PTPRT: variants seen among roughly 807,000 people sequenced by gnomAD.
The protein encoded by PTPRT is protein tyrosine phosphatase receptor type T.
PTPRT carries 56 observed loss-of-function variants against 176.8 expected under a neutral mutation model. The observed-to-expected ratio is 0.32, with a 90% CI of 0.26 to 0.40. The LOEUF is 0.40. Among genes scored for constraint, PTPRT ranks in the 10% least tolerant of loss-of-function variants. PTPRT has a pLI of 1.00. For missense variants in PTPRT, 1,540 were observed against 1,908.2 expected, an observed-to-expected ratio of 0.81 and a Z score of 3.60; for synonymous variants, 783 against 739.0, an observed-to-expected ratio of 1.06 and a Z score of -0.96.
intron 7 of PTPRT, among the ~76,000 whole-genome samples, chr20:42,567,256 AAG>A (rs2145672187): frequency 6.6e-6 from 1 of 152,140 alleles, no homozygotes; most frequent in Admixed American, 6.6e-5. Flanking sequence ...CCTGGGCAAC[AAG>A]AGTGAAACTC....
the PTPRT span, among the ~76,000 whole-genome samples, chr20:42,063,261 C>G: frequency 2.6e-5 from 4 of 152,190 alleles, no homozygotes; most frequent in African/African-American, 7.2e-5. Flanking sequence ...CGTTTCCCCT[C>G]CGAAGGCACC....
intron 16 of PTPRT, among the ~76,000 whole-genome samples, chr20:42,180,310 G>A (rs549766539): frequency 4.6e-5 from 7 of 151,720 alleles, no homozygotes; most frequent in Non-Finnish European, 1.0e-4. Flanking sequence ...TGCCTTGGGA[G>A]CCTCTAATAG....
At position 42,167,673 on chromosome 20, in the gene PTPRT, G is replaced by T. The variant is rs562113136; in HGVS notation, c.2492-6131C>A. Among the ~76,000 whole-genome samples the T allele has an allele frequency of 3.3e-5, 5 of 152,328 alleles. No individual in the cohort carries two copies. The East Asian group carries it at 7.7e-4, about 23-fold the overall frequency. On this transcript the variant is annotated intron_variant, in intron 16 of 30. Coordinates refer to ENST00000373187, the MANE Select transcript of PTPRT (RefSeq NM_007050.6). Reference sequence around the variant, plus strand: ...GAGAGAAGTTTTGAGGTGAAGAGGAGGCTGGGTCACCTGCACAGAGTGGGG... The same window carrying T: ...GAGAGAAGTTTTGAGGTGAAGAGGATGCTGGGTCACCTGCACAGAGTGGGG...
rs1991016699 is a variant in PTPRT at position 42,191,888 on chromosome 20, C to T, written c.2491+7352G>A. 2.0e-5 allele frequency among the ~76,000 whole-genome samples: 3 copies of T among 152,080 alleles called. No individual in the cohort carries two copies. The South Asian group carries it at 6.2e-4, about 32-fold the overall frequency. ...GAGTGTGAATTCCAGCTCCATCATT[C>T]ATTCATTCATATATTCAAACAAGTA... On this transcript the variant is annotated intron_variant, in intron 16 of 30. Coordinates refer to ENST00000373187, the MANE Select transcript of PTPRT (RefSeq NM_007050.6).
At chr20:42,966,868 C>T (rs1171324042) in intron 1 of PTPRT, among the ~76,000 whole-genome samples, 3 of 152,174 alleles carry the variant, frequency 2.0e-5, no homozygotes, top group Non-Finnish European at 2.9e-5. Flanking sequence ...AGTGTACCTG[C>T]GGAACTGTCA....
At chr20:42,895,734 A>G (rs557978864) in intron 1 of PTPRT, among the ~76,000 whole-genome samples, 1 of 152,312 alleles carries the variant, frequency 6.6e-6, no homozygotes, top group African/African-American at 2.4e-5. Flanking sequence ...ACATGTCCCA[A>G]AATAGTATTC....
At chr20:42,782,115 T>C (rs931072583) in intron 3 of PTPRT, among the ~76,000 whole-genome samples, 4 of 152,252 alleles carry the variant, frequency 2.6e-5, no homozygotes, top group Admixed American at 6.5e-5. Flanking sequence ...TCAGTGTTCA[T>C]AGACTCTCCA....
At chr20:43,003,799 T>C (rs1441803788) in intron 1 of PTPRT, among the ~76,000 whole-genome samples, 2 of 152,120 alleles carry the variant, frequency 1.3e-5, no homozygotes, top group East Asian at 1.9e-4. Context: ...TTGAGAAGCA[T>C]GGTTTTAGAT....
intron 7 of PTPRT, among the ~76,000 whole-genome samples, chr20:42,603,064 A>T (rs538410187): frequency 4.3e-4 from 66 of 152,132 alleles, no homozygotes; most frequent in Non-Finnish European, 8.2e-4. Flanking sequence ...ATGAGCACCA[A>T]CCACATACCG....
intron 6 of PTPRT, among the ~76,000 whole-genome samples, chr20:42,740,442 C>T (rs2076591817): frequency 6.6e-6 from 1 of 152,160 alleles, no homozygotes. Context: ...TCATCTCCAT[C>T]CTCCTGCTCT....
At chr20:42,478,953 C>T (rs148799315) in intron 7 of PTPRT, among the ~76,000 whole-genome samples, 9 of 152,178 alleles carry the variant, frequency 5.9e-5, no homozygotes, top group South Asian at 4.1e-4. Context: ...CCAAGCCACC[C>T]GAATTTAGGT....
At chr20:42,460,650 TCATGATA>T (rs1025745101) in intron 8 of PTPRT, among the ~76,000 whole-genome samples, 1 of 152,212 alleles carries the variant, frequency 6.6e-6, no homozygotes, top group Non-Finnish European at 1.5e-5. Flanking sequence ...TATGCCATTT[TCATGATA>T]GTGAGTGAGT....
At chr20:42,456,054 A>G (rs1162437392) in intron 8 of PTPRT, among the ~76,000 whole-genome samples, 1 of 152,068 alleles carries the variant, frequency 6.6e-6, no homozygotes, top group African/African-American at 2.4e-5. Flanking sequence ...TGAACATGGT[A>G]TATCTTTTAT....
chr20:42,149,972 G>A (rs1989052094), intron 17 of PTPRT, among the ~76,000 whole-genome samples: 1 of 152,182 alleles, frequency 6.6e-6, no homozygotes, highest in Admixed American at 6.5e-5. Context: ...GTGTTCTGCT[G>A]TGCTGACTCA....
chr20:42,353,061 C>A (rs1437106516), intron 9 of PTPRT, among the ~76,000 whole-genome samples: 1 of 152,154 alleles, frequency 6.6e-6, no homozygotes, highest in Non-Finnish European at 1.5e-5. Flanking sequence ...TTCTACTATT[C>A]GTATGAAGTC....
Position 42,084,721 on chromosome 20 carries a change from TG to T in PTPRT, c.4096del (p.Gln1366SerfsTer14). ...VVRRLEKWQE[Q>X]YDGREGRTVV... is the part of the protein sequence containing the mutation. Reference sequence around the variant, plus strand: ...AGTACGTCCCTCCCTCCCGTCATACTGCTCCTGCCACTTCTCCAGTCGTCGG... The same window carrying T: ...AGTACGTCCCTCCCTCCCGTCATACTCTCCTGCCACTTCTCCAGTCGTCGG... On this transcript the variant is annotated frameshift_variant, in exon 29 of 31. Coordinates refer to ENST00000373187, the MANE Select transcript of PTPRT (RefSeq NM_007050.6). LOFTEE classifies it high-confidence loss of function. 1 of 1,564,278 alleles carries T rather than the reference TG, an allele frequency of 6.4e-7. No homozygotes were observed.
At chr20:43,120,835 T>C (rs2013232651) in intron 1 of PTPRT, among the ~76,000 whole-genome samples, 1 of 152,238 alleles carries the variant, frequency 6.6e-6, no homozygotes, top group East Asian at 1.9e-4. Context: ...TTTAAGTAAA[T>C]TTTTGTATTG....
intron 17 of PTPRT, among the ~76,000 whole-genome samples, chr20:42,147,364 G>T (rs1988915960): frequency 6.6e-6 from 1 of 152,108 alleles, no homozygotes; most frequent in Admixed American, 6.6e-5. Flanking sequence ...TGGATCCATA[G>T]CATCTATCAC....
chr20:42,688,065 G>C (rs1238572743), intron 6 of PTPRT: 1 of 152,112 alleles, frequency 6.6e-6, no homozygotes, highest in Non-Finnish European at 1.5e-5. Context: ...TGTAATTCTG[G>C]AGCTGGGACC....
Sources: gnomAD v4.1 joint callset for allele counts (sites outside exome capture counted in the v4.1 genomes callset) on GRCh38, gnomAD v4.1.1 for gene constraint, MANE v1.5 for transcripts, NCBI Gene and HGNC (gene_info 2026-07-23, HGNC 2026-07-21) for gene names.